DPP6: variants seen among roughly 807,000 people sequenced by gnomAD.
DPP6 encodes the protein dipeptidyl peptidase like 6, also known as A-type potassium channel modulatory protein DPP6.
A neutral mutation model predicts 122.6 loss-of-function variants in DPP6; 69 were observed. The observed-to-expected ratio is 0.56, with a 90% confidence interval of 0.46 to 0.69. The LOEUF (loss-of-function observed/expected upper bound fraction) is 0.69, where lower values mean the gene tolerates loss of function less well. Among genes scored for constraint, DPP6 ranks in the 30% least tolerant of loss-of-function variants. The probability of loss-of-function intolerance (pLI) is 0.00; values close to 1 mark genes in which losing one functional copy is unlikely to be tolerated. For synonymous variants in DPP6, 418 were observed against 433.1 expected (o/e 0.97, Z 0.43); for missense variants, 928 against 1,116.9 (o/e 0.83, Z 2.41).
intron 1 of DPP6, among the ~76,000 whole-genome samples, chr7:153,989,782 C>A (rs560496765): frequency 7.3e-6 from 1 of 137,522 alleles, no homozygotes; most frequent in Non-Finnish European, 1.6e-5. Context: ...GTTATCCCTG[C>A]ATGAGAGAGC....
chr7:153,954,741 G>A (rs1379703669), intron 1 of DPP6, among the ~76,000 whole-genome samples: 2 of 152,166 alleles, frequency 1.3e-5, no homozygotes, highest in Non-Finnish European at 2.9e-5. Context: ...CCAGCAGACG[G>A]CCTTTGGACT....
intron 1 of DPP6, among the ~76,000 whole-genome samples, chr7:154,428,079 TC>T (rs1336045630): frequency 6.6e-6 from 1 of 152,190 alleles, no homozygotes; most frequent in Non-Finnish European, 1.5e-5. Context: ...TGTTCTAAAT[TC>T]TTCTGAATAA....
intron 8 of DPP6, among the ~76,000 whole-genome samples, chr7:154,740,816 C>T (rs1267975633): frequency 1.3e-5 from 2 of 152,088 alleles, no homozygotes; most frequent in Non-Finnish European, 2.9e-5. Context: ...AGGACATTTG[C>T]GTACTGGGAG....
intron 17 of DPP6, among the ~76,000 whole-genome samples, chr7:154,862,795 G>T (rs548902589): frequency 6.6e-6 from 1 of 152,290 alleles, no homozygotes; most frequent in African/African-American, 2.4e-5. Flanking sequence ...GCCACCTACT[G>T]GGACCCTGCC....
At chr7:154,684,149 A>G (rs1315303769) in intron 7 of DPP6, among the ~76,000 whole-genome samples, 1 of 152,156 alleles carries the variant, frequency 6.6e-6, no homozygotes, top group East Asian at 1.9e-4. Context: ...GATTACAGGC[A>G]TGAGCCACTG....
intron 1 of DPP6, among the ~76,000 whole-genome samples, chr7:154,109,096 G>A (rs1164067013): frequency 1.3e-5 from 2 of 152,182 alleles, no homozygotes; most frequent in Admixed American, 6.5e-5. Flanking sequence ...CTTCTTTAGC[G>A]TTGCTTACTG....
At chr7:153,756,856 C>A in the DPP6 span, among the ~76,000 whole-genome samples, 1 of 151,736 alleles carries the variant, frequency 6.6e-6, no homozygotes, top group African/African-American at 2.4e-5. Flanking sequence ...TTTTAATTGT[C>A]CTCATTTTAT....
At chr7:154,229,626 A>G (rs775157321) in intron 1 of DPP6, among the ~76,000 whole-genome samples, 7 of 152,134 alleles carry the variant, frequency 4.6e-5, no homozygotes, top group African/African-American at 1.4e-4. Flanking sequence ...AAGTTTTTTT[A>G]TTTGTAAACT....
the DPP6 span, among the ~76,000 whole-genome samples, chr7:153,829,599 C>A: frequency 2.0e-5 from 3 of 152,160 alleles, no homozygotes; most frequent in African/African-American, 7.2e-5. Flanking sequence ...TGCCTTCATT[C>A]CACAAATCAA....
At chr7:154,571,983 G>C (rs1185602913) in intron 5 of DPP6, among the ~76,000 whole-genome samples, 1 of 152,184 alleles carries the variant, frequency 6.6e-6, no homozygotes, top group East Asian at 1.9e-4. Context: ...CCGGGCTGCA[G>C]TTGCATCTGA....
chr7:154,170,349 T>A (rs1180150967), intron 1 of DPP6, among the ~76,000 whole-genome samples: 1 of 152,078 alleles, frequency 6.6e-6, no homozygotes, highest in African/African-American at 2.4e-5. Context: ...TTCCTAACTT[T>A]CCTAAGTTTC....
At chr7:154,233,790 C>G (rs907576677) in intron 1 of DPP6, among the ~76,000 whole-genome samples, 1 of 152,146 alleles carries the variant, frequency 6.6e-6, no homozygotes, top group African/African-American at 2.4e-5. Context: ...TTGTTTAAGC[C>G]ACCTGATCTG....
At chr7:153,964,986 T>C (rs756085681) in intron 1 of DPP6, among the ~76,000 whole-genome samples, 23 of 70,594 alleles carry the variant, frequency 3.3e-4, no homozygotes, top group Admixed American at 9.9e-4. Flanking sequence ...TTCCCTTCCT[T>C]CCTTCCTTCC....
intron 1 of DPP6, among the ~76,000 whole-genome samples, chr7:153,953,581 G>A (rs1476263197): frequency 1.3e-5 from 2 of 152,198 alleles, no homozygotes; most frequent in East Asian, 1.9e-4. Context: ...GCCTGGGCAA[G>A]TCGGTGATCT....
intron 1 of DPP6, among the ~76,000 whole-genome samples, chr7:154,231,156 C>T (rs1800896018): frequency 6.6e-6 from 1 of 152,192 alleles, no homozygotes; most frequent in Non-Finnish European, 1.5e-5. Context: ...ACAGGGTCCT[C>T]TTTACTCAAG....
chr7:154,631,341 T>C (rs1028366839), intron 5 of DPP6, among the ~76,000 whole-genome samples: 1 of 152,334 alleles, frequency 6.6e-6, no homozygotes, highest in South Asian at 2.1e-4. Context: ...GTTGCCTTCA[T>C]CACGTGCTGC....
At chr7:153,959,728 C>A (rs1795250363) in intron 1 of DPP6, among the ~76,000 whole-genome samples, 1 of 152,228 alleles carries the variant, frequency 6.6e-6, no homozygotes, top group Non-Finnish European at 1.5e-5. Flanking sequence ...CTATGCAGAC[C>A]ACTCAAAGTT....
At chr7:154,261,698 AAAC>A (rs1221449189) in intron 1 of DPP6, among the ~76,000 whole-genome samples, 2 of 152,102 alleles carry the variant, frequency 1.3e-5, no homozygotes, top group Non-Finnish European at 1.5e-5. Context: ...AGCAAGAAAA[AAAC>A]AAACAATCCC....
intron 2 of DPP6, among the ~76,000 whole-genome samples, chr7:154,467,848 A>G (rs545660473): frequency 6.6e-6 from 1 of 152,216 alleles, no homozygotes; most frequent in African/African-American, 2.4e-5. Context: ...TTCTGCTGAG[A>G]GAGGTTTGGG....
Sources: allele counts gnomAD v4.1 joint callset (sites outside exome capture counted in the v4.1 genomes callset), GRCh38; gene constraint gnomAD v4.1.1; transcripts MANE v1.5; gene names NCBI Gene and HGNC (gene_info 2026-07-23, HGNC 2026-07-21).